The following CWF19L1 variants were observed in gnomAD, a reference collection of about 807,000 sequenced individuals.
CWF19L1 encodes CWF19 like cell cycle control factor 1, also known as CWF19-like protein 1.
Under a neutral mutation model 69.7 loss-of-function variants are expected in CWF19L1, and 60 were observed. The observed-to-expected ratio is 0.86, with a 90% confidence interval of 0.70 to 1.07. The LOEUF is 1.07. CWF19L1 is among the 50% of genes least tolerant of loss of function. CWF19L1 has a pLI of 0.00. For synonymous variants in CWF19L1, 209 were observed against 222.2 expected, an observed-to-expected ratio of 0.94 and a Z score of 0.53; for missense variants, 591 against 638.9, an observed-to-expected ratio of 0.92 and a Z score of 0.81.
chr10:100,249,075 G>C (rs1004143734), intron 7 of CWF19L1: 4 of 522,766 alleles, frequency 7.7e-6, no homozygotes, highest in Non-Finnish European at 1.4e-5. Flanking sequence ...TGCCCCTGAG[G>C]GGCCACCCTG....
At chr10:100,252,212 G>T (rs1043366772) in intron 6 of CWF19L1, among the ~76,000 whole-genome samples, 2 of 152,106 alleles carry the variant, frequency 1.3e-5, no homozygotes, top group Non-Finnish European at 2.9e-5. Context: ...TTAAGAACTT[G>T]ACCTCTATAT....
intron 7 of CWF19L1, chr10:100,248,670 A>G (rs1468842368): frequency 1.1e-6 from 1 of 894,424 alleles, no homozygotes; most frequent in Non-Finnish European, 1.9e-6. Context: ...ATGCTGGAGA[A>G]CTAATCACCT....
At chr10:100,254,808 G>A (rs1372029606) in intron 5 of CWF19L1, among the ~76,000 whole-genome samples, 1 of 152,082 alleles carries the variant, frequency 6.6e-6, no homozygotes, top group African/African-American at 2.4e-5. Context: ...CACTTTAGCA[G>A]CCCTTCTCTC....
chr10:100,260,100 G>A, intron 4 of CWF19L1, 118 bp downstream of exon 4: 1 of 610,544 alleles, frequency 1.6e-6, no homozygotes, highest in Non-Finnish European at 2.9e-6. Flanking sequence ...CCCGGGAGGT[G>A]GAGGTTACAG....
rs374091735 is a variant in CWF19L1, at chr10:100,256,375, T to C, written c.391A>G (p.Lys131Glu). 5.0e-6 allele frequency: 8 copies of C among 1,614,082 alleles called. No homozygotes were observed. The East Asian group carries it at 1.6e-4, about 31-fold the overall frequency. Reference sequence around the variant, plus strand: ...ATCATTCTCAGAGAAGACACATCCTTGGGACTAAAACTATAACCTGGTACT... The same window carrying C: ...ATCATTCTCAGAGAAGACACATCCTCGGGACTAAAACTATAACCTGGTACT... Reference protein sequence around the residue: ...EPVPGYSFSPKDVSSLRMMLC... With the variant: ...EPVPGYSFSPEDVSSLRMMLC... The change falls in exon 5 of 14, where the codon AAG (lysine) becomes GAG (glutamate). Residue 131 changes from lysine (K) to glutamate (E), a missense_variant. Physicochemically the swap from Lys to Glu is moderately conservative, Grantham distance 56. Transcript: ENST00000354105.
intron 10 of CWF19L1, among the ~76,000 whole-genome samples, chr10:100,243,173 A>G (rs530735464): frequency 6.6e-6 from 1 of 152,314 alleles, no homozygotes; most frequent in East Asian, 1.9e-4. Flanking sequence ...TTGCATGCAG[A>G]TATTTTATGG....
chr10:100,250,127 C>G (rs1015309557), intron 7 of CWF19L1, 121 bp downstream of exon 7: 11 of 737,022 alleles, frequency 1.5e-5, no homozygotes, highest in Non-Finnish European at 2.6e-5. Flanking sequence ...AAGGAGTCTC[C>G]GAAACTGCTG....
In CWF19L1 at chr10:100,246,794, C is replaced by T. The variant is rs1846837685; in HGVS notation, c.849+1G>A. 2 of 1,613,054 alleles carry T rather than the reference C, an allele frequency of 1.2e-6. No individual in the cohort carries two copies. Among genetic ancestry groups the T allele is most frequent in the African/African-American group, 1.3e-5 (1 of 74,896 alleles). On this transcript the variant is annotated splice_donor_variant, in intron 8 of 13. Coordinates refer to ENST00000354105, the MANE Select transcript of CWF19L1 (RefSeq NM_018294.6). LOFTEE classifies it high-confidence loss of function. Reference sequence around the variant, plus strand: ...AATGCCAACCCTCAATCAGAACATACCACAGGGGCAAGAATTTGCTTTCCT... The same window carrying T: ...AATGCCAACCCTCAATCAGAACATATCACAGGGGCAAGAATTTGCTTTCCT...
chr10:100,250,875 G>A (rs373385421), intron 6 of CWF19L1, among the ~76,000 whole-genome samples: 46 of 151,394 alleles, frequency 3.0e-4, no homozygotes, highest in African/African-American at 1.1e-3. Context: ...TTGAGCCCAC[G>A]AGGTTGAGGC....
chr10:100,252,400 A>C (rs1286761617), intron 6 of CWF19L1, among the ~76,000 whole-genome samples: 1 of 151,426 alleles, frequency 6.6e-6, no homozygotes, highest in East Asian at 1.9e-4. Context: ...ATGCCATTGC[A>C]CTCCAGCCTG....
Position 100,260,188 on chromosome 10 carries a change from A to C in CWF19L1, c.289+30T>G. On this transcript the variant is annotated intron_variant, in intron 4 of 13. Coordinates refer to ENST00000354105, the MANE Select transcript of CWF19L1 (RefSeq NM_018294.6). ...GTCTCAAAAACAAAAAACAAAAAACAAAAAAAAAATACAACAAGTATCAGC... is the reference window on the plus strand; with the variant it reads ...GTCTCAAAAACAAAAAACAAAAAACCAAAAAAAAATACAACAAGTATCAGC... The C allele has an allele frequency of 2.9e-6, 3 of 1,023,630 alleles. No homozygotes were observed. The African/African-American group carries it at 5.0e-5, about 17-fold the overall frequency. 63.4% of individuals were successfully genotyped at this position (1,023,630 alleles called of 1,614,324 possible).
chr10:100,246,353 T>C (rs1038555202), intron 8 of CWF19L1, among the ~76,000 whole-genome samples: 3 of 152,340 alleles, frequency 2.0e-5, no homozygotes, highest in South Asian at 4.1e-4. Context: ...GTAAGGGAAC[T>C]TGACATTCCT....
Position 100,257,385 on chromosome 10 carries a change from C to T in CWF19L1, c.290-909G>A, listed in dbSNP as rs1036291214. Among the ~76,000 whole-genome samples, 7 of 150,910 alleles carry T rather than the reference C, an allele frequency of 4.6e-5. No individual in the cohort carries two copies. In the South Asian group the frequency reaches 6.3e-4, roughly 14 times the overall value. On this transcript the variant is annotated intron_variant, in intron 4 of 13. Coordinates refer to ENST00000354105, the MANE Select transcript of CWF19L1 (RefSeq NM_018294.6). ...CTTGGCTCATTGCAACCTCCACCTC[C>T]GCCTCCCGGGTTCAAGTGATTCTCC...
chr10:100,245,945 T>G, intron 8 of CWF19L1, 32 bp from the exon 9 acceptor site: 1 of 1,498,312 alleles, frequency 6.7e-7, no homozygotes, highest in Non-Finnish European at 9.3e-7. Context: ...GATTAAATGT[T>G]ATTCAACTAA....
intron 1 of CWF19L1, among the ~76,000 whole-genome samples, chr10:100,264,316 C>T (rs1470041616): frequency 1.3e-5 from 2 of 152,228 alleles, no homozygotes; most frequent in East Asian, 1.9e-4. Flanking sequence ...GAGGCCAAGG[C>T]GAGCGGATCA....
In CWF19L1 at chr10:100,256,257, C is replaced by T. The variant is rs1385019412; in HGVS notation, c.504+5G>A. 1.2e-6 allele frequency: 2 copies of T among 1,611,458 alleles called. No individual in the cohort carries two copies. The highest frequency in any genetic ancestry group is 1.7e-6 in the Non-Finnish European group (2 of 1,177,838). Reference sequence around the variant, plus strand: ...AGAAATTCCAACTAAACAAACACTACTCACAGAAGAATTCCCAAAGTTCCC... The same window carrying T: ...AGAAATTCCAACTAAACAAACACTATTCACAGAAGAATTCCCAAAGTTCCC... On this transcript the variant is annotated splice_donor_5th_base_variant and intron_variant, in intron 5 of 13. Transcript: ENST00000354105.
intron 1 of CWF19L1, among the ~76,000 whole-genome samples, chr10:100,266,106 C>T (rs1847571899): frequency 6.6e-6 from 1 of 151,994 alleles, no homozygotes; most frequent in South Asian, 2.1e-4. Flanking sequence ...GCCTTCTTGA[C>T]TCCTATCATT....
intron 10 of CWF19L1, among the ~76,000 whole-genome samples, chr10:100,242,221 C>G (rs1846659754): frequency 6.6e-6 from 1 of 152,156 alleles, no homozygotes; most frequent in Admixed American, 6.5e-5. Flanking sequence ...ACAACCATAT[C>G]ATCATCATCT....
chr10:100,246,442 C>A (rs898623709), intron 8 of CWF19L1, among the ~76,000 whole-genome samples: 4 of 152,206 alleles, frequency 2.6e-5, no homozygotes, highest in Admixed American at 2.0e-4. Context: ...TATTTTCCTA[C>A]TAGCAATCAT....
Sources: gnomAD v4.1 joint callset for allele counts (sites outside exome capture counted in the v4.1 genomes callset) on GRCh38, gnomAD v4.1.1 for gene constraint, MANE v1.5 for transcripts, NCBI Gene and HGNC (gene_info 2026-07-23, HGNC 2026-07-21) for gene names.